The following NUDT7 variants were observed in gnomAD, a reference collection of about 807,000 sequenced individuals.
The protein encoded by NUDT7 is nudix hydrolase 7.
In NUDT7, 19 loss-of-function variants were observed where a neutral mutation model predicts 13.1. The observed-to-expected ratio is 1.45, with a 90% CI of 1.01 to 2.13. The LOEUF (loss-of-function observed/expected upper bound fraction) is 2.13, where lower values mean the gene tolerates loss of function less well. Among genes scored for constraint, NUDT7 ranks in the 30% most tolerant of loss-of-function variants. NUDT7 has a pLI of 0.00. For synonymous variants in NUDT7, 132 were observed against 109.7 expected (o/e 1.20, Z -1.27); for missense variants, 360 against 291.7 (o/e 1.23, Z -1.71).
intron 3 of NUDT7, 33 bp from the exon 4 acceptor site, chr16:77,741,549 T>A (rs1597121313): frequency 3.9e-6 from 6 of 1,550,552 alleles, no homozygotes; most frequent in Non-Finnish European, 5.2e-6. Flanking sequence ...TCACTTCACT[T>A]CTTAATTTGT....
chr16:77,727,059 G>C (rs762840554), intron 2 of NUDT7, among the ~76,000 whole-genome samples: 3 of 152,152 alleles, frequency 2.0e-5, no homozygotes, highest in Non-Finnish European at 4.4e-5. Context: ...GTGCCAAGAT[G>C]ATGGTGCTAA....
At position 77,741,833 on chromosome 16, in the gene NUDT7, C is replaced by G; in HGVS notation, c.600C>G (p.Ala200=). 1.2e-6 allele frequency: 2 copies of G among 1,614,028 alleles called. No homozygotes were observed. Among genetic ancestry groups the G allele is most frequent in the Non-Finnish European group, 1.7e-6 (2 of 1,180,012 alleles). Residue 200 remains alanine, a synonymous_variant, in exon 4 of 4, where the codon GCC becomes GCG. Coordinates refer to ENST00000268533, the MANE Select transcript of NUDT7 (RefSeq NM_001105663.3). ...GMTANLAVLV[A]FIILEKKPTF... Reference sequence around the variant, plus strand: ...CGGCAAACCTTGCAGTGTTGGTGGCCTTTATCATTTTGGAAAAAAAACCCA... The same window carrying G: ...CGGCAAACCTTGCAGTGTTGGTGGCGTTTATCATTTTGGAAAAAAAACCCA...
At chr16:77,737,871 G>T (rs920564151) in intron 3 of NUDT7, among the ~76,000 whole-genome samples, 1 of 152,034 alleles carries the variant, frequency 6.6e-6, no homozygotes, top group South Asian at 2.1e-4. Flanking sequence ...AAACCAGTGG[G>T]TTAGATGATC....
chr16:77,728,672 A>G (rs75210101), intron 2 of NUDT7, among the ~76,000 whole-genome samples: 5,855 of 152,288 alleles, frequency 0.038, 204 homozygotes, highest in East Asian at 0.18. Context: ...CTGGCATGCC[A>G]TAGTGCTGCA....
chr16:77,738,929 C>T (rs1354984442), intron 3 of NUDT7, among the ~76,000 whole-genome samples: 3 of 152,228 alleles, frequency 2.0e-5, no homozygotes, highest in Admixed American at 6.5e-5. Flanking sequence ...AGTTTCTTCA[C>T]GTCTCTAATT....
intron 2 of NUDT7, chr16:77,735,580 G>A: frequency 1.7e-6 from 1 of 580,522 alleles, no homozygotes; most frequent in Non-Finnish European, 3.1e-6. Context: ...TGCAAGAACA[G>A]ATTAATACAG....
At chr16:77,729,735 G>C (rs543379418) in intron 2 of NUDT7, among the ~76,000 whole-genome samples, 1 of 152,242 alleles carries the variant, frequency 6.6e-6, no homozygotes, top group South Asian at 2.1e-4. Flanking sequence ...TGAGGCAGGA[G>C]AATCGCTTGA....
At chr16:77,722,843 C>A (rs909599685) in intron 1 of NUDT7, among the ~76,000 whole-genome samples, 2 of 152,180 alleles carry the variant, frequency 1.3e-5, no homozygotes, top group African/African-American at 2.4e-5. Context: ...GGTTTACATA[C>A]ACGCTGCTCC....
chr16:77,739,038 C>T (rs2014576293), intron 3 of NUDT7, among the ~76,000 whole-genome samples: 1 of 152,186 alleles, frequency 6.6e-6, no homozygotes. Context: ...CCAATGGTAG[C>T]AGCAACCACG....
At chr16:77,722,730 A>C in intron 1 of NUDT7, 113 bp downstream of exon 1, 1 of 989,224 alleles carries the variant, frequency 1.0e-6, no homozygotes, top group African/African-American at 1.6e-5. Context: ...CCGCCAGTCC[A>C]CCTGCGAGCG....
intron 3 of NUDT7, among the ~76,000 whole-genome samples, chr16:77,738,041 T>G (rs2014546115): frequency 6.6e-6 from 1 of 152,098 alleles, no homozygotes; most frequent in Admixed American, 6.5e-5. Context: ...CAATAAATGT[T>G]TTCTAAGTGT....
intron 1 of NUDT7, among the ~76,000 whole-genome samples, chr16:77,723,270 C>T (rs901096861): frequency 9.9e-5 from 15 of 152,168 alleles, no homozygotes; most frequent in Non-Finnish European, 1.8e-4. Flanking sequence ...TGGAGGCTGG[C>T]CTGCGTGCAT....
rs557867365 is a variant in NUDT7 at position 77,723,968 on chromosome 16, A to G, written c.35+1351A>G. 3.3e-5 allele frequency among the ~76,000 whole-genome samples: 5 copies of G among 152,284 alleles called. No homozygotes were observed. The South Asian group carries it at 6.2e-4, about 19-fold the overall frequency. On this transcript the variant is annotated intron_variant, in intron 1 of 3. Coordinates refer to ENST00000268533, the MANE Select transcript of NUDT7 (RefSeq NM_001105663.3). ...CCACTATGCAAAGCTGCCTTCCCAC[A>G]GAAAAAGTAAAATCAGCTGTTCCTT...
chr16:77,730,574 G>T (rs1354927833), intron 2 of NUDT7, among the ~76,000 whole-genome samples: 2 of 152,104 alleles, frequency 1.3e-5, no homozygotes, highest in South Asian at 2.1e-4. Flanking sequence ...GTAAACATGG[G>T]TGTGCAGAGA....
Position 77,741,904 on chromosome 16 carries a change from A to C in NUDT7, c.671A>C (p.Glu224Ala). Reference sequence around the variant, plus strand: ...CTTAATGATGTATTAGCATCCTCTGAAGAGTTATTCCTGAAGGTTCATAAA... The same window carrying C: ...CTTAATGATGTATTAGCATCCTCTGCAGAGTTATTCCTGAAGGTTCATAAA... Reference protein sequence around the residue: ...FNLNDVLASSEELFLKVHKKA... With the variant: ...FNLNDVLASSAELFLKVHKKA... The change falls in exon 4 of 4, where the codon GAA (glutamate) becomes GCA (alanine). Residue 224 changes from glutamate (E) to alanine (A), a missense_variant. By Grantham distance (107) the Glu-to-Ala change is moderately radical (BLOSUM62 -1). Coordinates refer to ENST00000268533, the MANE Select transcript of NUDT7 (RefSeq NM_001105663.3). The C allele has an allele frequency of 6.2e-7, 1 of 1,612,704 alleles. No individual in the cohort carries two copies.
At chr16:77,732,955 A>G (rs308928) in intron 2 of NUDT7, among the ~76,000 whole-genome samples, 145,629 of 152,198 alleles carry the variant, frequency 0.96, 69,897 homozygotes, top group South Asian at 0.99. Context: ...CGCATTTGGT[A>G]AGACATATTT....
At chr16:77,740,656 T>G (rs1485965466) in intron 3 of NUDT7, among the ~76,000 whole-genome samples, 1 of 152,184 alleles carries the variant, frequency 6.6e-6, no homozygotes, top group Non-Finnish European at 1.5e-5. Context: ...CAAGCAATTC[T>G]CCTGCCTCAG....
At chr16:77,727,070 A>ACCAT (rs1221442370) in intron 2 of NUDT7, among the ~76,000 whole-genome samples, 2 of 152,030 alleles carry the variant, frequency 1.3e-5, no homozygotes, top group Non-Finnish European at 2.9e-5. Flanking sequence ...ATGGTGCTAA[A>ACCAT]CCATGCGTGA....
At chr16:77,726,092 C>A (rs1011594252) in intron 2 of NUDT7, among the ~76,000 whole-genome samples, 3 of 152,182 alleles carry the variant, frequency 2.0e-5, no homozygotes, top group African/African-American at 7.2e-5. Context: ...GACTATCCCA[C>A]CCCCAGTATA....
Sources: gnomAD v4.1 joint callset for allele counts (sites outside exome capture counted in the v4.1 genomes callset) on GRCh38, gnomAD v4.1.1 for gene constraint, MANE v1.5 for transcripts, NCBI Gene and HGNC (gene_info 2026-07-23, HGNC 2026-07-21) for gene names.